Variants in DCAF5 observed in about 807,000 individuals in gnomAD.
The protein encoded by DCAF5 is DDB1- and CUL4-associated factor 5.
Under a neutral mutation model 80.7 loss-of-function variants are expected in DCAF5, and 9 were observed. The observed-to-expected ratio is 0.11, with a 90% CI of 0.07 to 0.19. The LOEUF (loss-of-function observed/expected upper bound fraction) is 0.19. Among genes scored for constraint, DCAF5 ranks in the 10% least tolerant of loss-of-function variants. DCAF5 has a pLI of 1.00. For missense variants in DCAF5, 842 were observed against 1,205.7 expected (o/e 0.70, Z 4.47); for synonymous variants, 433 against 461.9 (o/e 0.94, Z 0.80).
intron 6 of DCAF5, among the ~76,000 whole-genome samples, chr14:69,077,775 T>C (rs1162021017): frequency 6.6e-6 from 1 of 152,140 alleles, no homozygotes; most frequent in African/African-American, 2.4e-5. Context: ...CTGCCTAACA[T>C]AAATTACTAA....
intron 8 of DCAF5, among the ~76,000 whole-genome samples, chr14:69,058,604 G>A (rs987848090): frequency 2.0e-5 from 3 of 151,982 alleles, no homozygotes; most frequent in Non-Finnish European, 4.4e-5. Context: ...GCCAGGCGTG[G>A]TGGCTCACAC....
Position 69,152,318 on chromosome 14 carries a change from T to C in DCAF5, c.214+447A>G. On this transcript the variant is annotated intron_variant, in intron 1 of 8. Transcript: ENST00000341516. The surrounding 1 kb of genome is among the most constrained non-coding windows in gnomAD (Gnocchi z 4.1). ...GCCCGCTTCCCAGCCCCAAGACCCC[T>C]TTTCCTTAACGCCGGCGACGGGGGC... is the stretch of plus-strand genomic sequence containing the variant. The C allele has an allele frequency of 6.5e-6, 1 of 153,590 alleles. No homozygotes were observed. The highest frequency in any genetic ancestry group is 1.5e-5 in the Non-Finnish European group (1 of 68,932). The allele number at this position is 153,590 out of a possible 1,614,324, so 9.5% of individuals were successfully genotyped here.
intron 1 of DCAF5, chr14:69,143,785 A>G (rs1254476819): frequency 1.3e-5 from 2 of 152,340 alleles, no homozygotes; most frequent in Non-Finnish European, 2.9e-5. Flanking sequence ...AATTTTCTAT[A>G]AAGTAACGGA....
chr14:69,133,585 G>A (rs2041104996), intron 1 of DCAF5, among the ~76,000 whole-genome samples: 1 of 152,180 alleles, frequency 6.6e-6, no homozygotes, highest in African/African-American at 2.4e-5. Flanking sequence ...AGAGATAGGA[G>A]AGGTGGTGTC....
At chr14:69,146,468 A>G (rs947257019) in intron 1 of DCAF5, among the ~76,000 whole-genome samples, 8 of 152,230 alleles carry the variant, frequency 5.3e-5, no homozygotes, top group Non-Finnish European at 1.0e-4. Flanking sequence ...TTTATAATTT[A>G]TCATAGCAAA....
At chr14:69,078,719 T>C (rs1370914003) in intron 6 of DCAF5, among the ~76,000 whole-genome samples, 1 of 152,122 alleles carries the variant, frequency 6.6e-6, no homozygotes, top group Non-Finnish European at 1.5e-5. Flanking sequence ...AGACACGAAG[T>C]AGAATGGTGG....
chr14:69,058,610 C>T (rs775191478), intron 8 of DCAF5, among the ~76,000 whole-genome samples: 2 of 151,942 alleles, frequency 1.3e-5, no homozygotes, highest in African/African-American at 2.4e-5. Context: ...CGTGGTGGCT[C>T]ACACCTGTAA....
chr14:69,089,838 G>C, intron 6 of DCAF5: 9 of 728,592 alleles, frequency 1.2e-5, no homozygotes, highest in Non-Finnish European at 1.5e-5. Context: ...AAGAGGCTAG[G>C]GATACTGCTA....
intron 7 of DCAF5, among the ~76,000 whole-genome samples, chr14:69,066,802 C>T (rs2038461441): frequency 6.6e-6 from 1 of 152,186 alleles, no homozygotes; most frequent in African/African-American, 2.4e-5. Context: ...GGGTTTATTG[C>T]CTCAGGCCTT....
At chr14:69,067,603 C>T (rs1033745357) in intron 7 of DCAF5, among the ~76,000 whole-genome samples, 26 of 151,874 alleles carry the variant, frequency 1.7e-4, no homozygotes, top group African/African-American at 5.1e-4. Context: ...CCTTGGCCCC[C>T]GGAAGTGCTG....
rs529823391 is a variant in DCAF5, at chr14:69,143,635, G to A, written c.214+9130C>T. Among the ~76,000 whole-genome samples, 219 of 147,148 alleles carry A rather than the reference G, an allele frequency of 1.5e-3. 5 individuals carry two copies. The South Asian group carries it at 0.028, about 19-fold the overall frequency. ...CGAGGCATTCCTTAATTTGGTAGGC[G>A]CCGGGGAGTGCTGCAGATCAGCAGG... On this transcript the variant is annotated intron_variant, in intron 1 of 8. Coordinates refer to ENST00000341516, the MANE Select transcript of DCAF5 (RefSeq NM_003861.3).
intron 1 of DCAF5, among the ~76,000 whole-genome samples, chr14:69,126,873 GA>G (rs1158750368): frequency 1.3e-5 from 2 of 152,130 alleles, no homozygotes; most frequent in Admixed American, 6.6e-5. Context: ...AATGAATTTA[GA>G]TACAGACTTT....
intron 5 of DCAF5, among the ~76,000 whole-genome samples, chr14:69,109,395 T>C (rs899676644): frequency 1.3e-5 from 2 of 151,692 alleles, no homozygotes; most frequent in Non-Finnish European, 2.9e-5. Context: ...TCTAAGGGCA[T>C]TGCTCAATAA....
Position 69,053,647 on chromosome 14 carries a change from CT to C in DCAF5, c.*209del. ...GTCACTTGGGTTATTTTTTTTTCCC[CT>C]TTCTTAACACAGCACAAGCCAATGG... On this transcript the variant is annotated 3_prime_UTR_variant, in exon 9 of 9. Coordinates refer to ENST00000341516, the MANE Select transcript of DCAF5 (RefSeq NM_003861.3). 1.9e-6 allele frequency: 1 copy of C among 513,232 alleles called. No homozygotes were observed. The highest frequency in any genetic ancestry group is 3.3e-6 in the Non-Finnish European group (1 of 300,690). 31.8% of individuals were successfully genotyped at this position (513,232 alleles called of 1,614,324 possible).
intron 5 of DCAF5, among the ~76,000 whole-genome samples, chr14:69,107,971 A>G (rs2040222896): frequency 6.6e-6 from 1 of 152,266 alleles, no homozygotes; most frequent in African/African-American, 2.4e-5. Flanking sequence ...GTAATAATAC[A>G]TATTAGGACA....
intron 4 of DCAF5, among the ~76,000 whole-genome samples, chr14:69,117,394 T>C (rs550358750): frequency 3.9e-5 from 6 of 152,158 alleles, no homozygotes; most frequent in Non-Finnish European, 5.9e-5. Context: ...GTTTAGAACA[T>C]AGAAAAGTTA....
chr14:69,077,564 C>T (rs2038948643), intron 6 of DCAF5, among the ~76,000 whole-genome samples: 2 of 151,690 alleles, frequency 1.3e-5, no homozygotes, highest in African/African-American at 2.4e-5. Flanking sequence ...TTTATAGTGA[C>T]AGGGGTCTCA....
chr14:69,061,611 G>A (rs1246054253), intron 8 of DCAF5, among the ~76,000 whole-genome samples: 1 of 152,182 alleles, frequency 6.6e-6, no homozygotes, highest in Non-Finnish European at 1.5e-5. Flanking sequence ...AGTAGTTTTT[G>A]TGATATATCC....
intron 4 of DCAF5, among the ~76,000 whole-genome samples, chr14:69,117,276 T>C (rs2040570878): frequency 6.6e-6 from 1 of 152,190 alleles, no homozygotes; most frequent in Non-Finnish European, 1.5e-5. Flanking sequence ...AAGCCCACAG[T>C]GACTCGACCA....
Sources: allele counts gnomAD v4.1 joint callset (sites outside exome capture counted in the v4.1 genomes callset), GRCh38; gene constraint gnomAD v4.1.1; non-coding constraint Gnocchi (gnomAD v3.1); transcripts MANE v1.5; gene names NCBI Gene and HGNC (gene_info 2026-07-23, HGNC 2026-07-21).